The following SP110 variants were observed in gnomAD, a reference collection of about 807,000 sequenced individuals.
SP110 encodes the protein interferon-induced protein 41, 30kD.
SP110 carries 62 observed loss-of-function variants against 92.7 expected under a neutral mutation model. The ratio of observed to expected loss-of-function variants is 0.67; its 90% confidence interval spans 0.55 to 0.83. SP110 has a LOEUF of 0.83. Ranked by LOEUF, SP110 falls within the 40% of genes least tolerant of loss-of-function variation. SP110 has a pLI of 0.00. For synonymous variants in SP110, 273 were observed against 305.3 expected (o/e 0.89, Z 1.10); for missense variants, 793 against 863.9 (o/e 0.92, Z 1.03).
Position 230,211,672 on chromosome 2 carries a change from C to T in SP110, c.668-119G>A, listed in dbSNP as rs1313519318. ...ATGACGGGGTAACAGCAACCAAGGC[C>T]TGGGAAAGGATGGCATAGAGTGGGA... On this transcript the variant is annotated intron_variant, in intron 5 of 18. Coordinates refer to ENST00000258381, the MANE Select transcript of SP110 (RefSeq NM_080424.4). The surrounding 1 kb of genome is among the most constrained non-coding windows in gnomAD (Gnocchi z 4.2). The T allele has an allele frequency of 1.4e-6, 1 of 726,856 alleles. No individual in the cohort carries two copies. The highest frequency in any genetic ancestry group is 2.0e-5 in the Admixed American group (1 of 50,378). 45.0% of individuals were successfully genotyped at this position (726,856 alleles called of 1,614,324 possible).
At chr2:230,196,660 T>C (rs2042889075) in intron 10 of SP110, among the ~76,000 whole-genome samples, 1 of 152,074 alleles carries the variant, frequency 6.6e-6, no homozygotes, top group Non-Finnish European at 1.5e-5. Flanking sequence ...TCATTTAGCA[T>C]TAGGTATATC....
rs1347975892 is a variant in SP110, at chr2:230,203,042, CCA to C, written c.899-316_899-315del. On this transcript the variant is annotated intron_variant, in intron 8 of 18. Transcript: ENST00000258381. ...TGTGTCGGCCTGCACCACGAGGTGG[CCA>C]CACAGTCTCGTCTAGGTGGAGAGGA... 1.2e-5 allele frequency: 5 copies of C among 402,746 alleles called. 1 individual carries two copies. Among genetic ancestry groups the C allele is most frequent in the Middle Eastern group, 7.6e-4 (1 of 1,308 alleles). The allele number at this position is 402,746 out of a possible 1,614,324, so 24.9% of individuals were successfully genotyped here.
Position 230,202,110 on chromosome 2 carries a change from T to C in SP110, c.1048+469A>G, listed in dbSNP as rs574513502. 2.7e-3 allele frequency among the ~76,000 whole-genome samples: 417 copies of C among 152,352 alleles called. 1 individual carries two copies. The highest frequency in any genetic ancestry group is 9.2e-3 in the African/African-American group (384 of 41,582). On this transcript the variant is annotated intron_variant, in intron 9 of 18. Coordinates refer to ENST00000258381, the MANE Select transcript of SP110 (RefSeq NM_080424.4). ...CAAACATAAAATGATGTCACTCTTT[T>C]CACTAATTTTTTTTGTTTTAGAAAA...
rs1277504177 is a variant in SP110 at position 230,178,144 on chromosome 2, C to T, written c.1447+13G>A. ...TCTAGGGATTCCAAAGAGCAGAAGA[C>T]CAAGGAACTCACCGTGTTTCATTTT... On this transcript the variant is annotated intron_variant, in intron 13 of 18. Coordinates refer to ENST00000258381, the MANE Select transcript of SP110 (RefSeq NM_080424.4). The T allele has an allele frequency of 6.5e-7, 1 of 1,534,448 alleles. No individual in the cohort carries two copies.
chr2:230,178,916 G>C (rs774141276), intron 12 of SP110, among the ~76,000 whole-genome samples: 1 of 152,192 alleles, frequency 6.6e-6, no homozygotes, highest in Non-Finnish European at 1.5e-5. Context: ...AGCAATTCCT[G>C]CTGCCTTCCC....
At chr2:230,216,960 C>T (rs201220034) in intron 1 of SP110, 32 bp from the exon 2 acceptor site, 8 of 1,604,368 alleles carry the variant, frequency 5.0e-6, no homozygotes, top group Non-Finnish European at 6.8e-6. Context: ...AAAATAGAAG[C>T]AAAGGCTGGG....
chr2:230,224,485 G>A (rs2046091815), upstream of SP110, among the ~76,000 whole-genome samples: 1 of 150,398 alleles, frequency 6.6e-6, no homozygotes, highest in South Asian at 2.1e-4. Flanking sequence ...GAGAGAGAGG[G>A]AGAGAGAGGG....
upstream of SP110, among the ~76,000 whole-genome samples, chr2:230,224,627 C>T (rs979445467): frequency 2.6e-5 from 4 of 152,162 alleles, no homozygotes; most frequent in African/African-American, 9.7e-5. Flanking sequence ...AGAAAGAAAG[C>T]AGAAGTGTGG....
At chr2:230,203,023 G>A (rs1285299859) in intron 8 of SP110, 2 of 427,252 alleles carry the variant, frequency 4.7e-6, no homozygotes, top group East Asian at 5.0e-5. Flanking sequence ...CGTTTGTGTC[G>A]GCCTGCACCA....
intron 3 of SP110, among the ~76,000 whole-genome samples, chr2:230,213,301 T>C (rs1415124873): frequency 3.9e-5 from 6 of 152,232 alleles, no homozygotes; most frequent in Non-Finnish European, 8.8e-5. Context: ...TTTGGGTTTG[T>C]ACCCAGGGGT....
chr2:230,169,328 A>G, intron 18 of SP110, 91 bp from the exon 19 acceptor site: 1 of 818,540 alleles, frequency 1.2e-6, no homozygotes. Flanking sequence ...TTTGTTTTTG[A>G]GTCAGGGTCT....
Position 230,169,631 on chromosome 2 carries a change from A to AT in SP110, c.2029-395dup, listed in dbSNP as rs533865525. Among the ~76,000 whole-genome samples the AT allele has an allele frequency of 5.8e-3, 884 of 152,074 alleles. 5 individuals are homozygous for AT. The highest frequency in any genetic ancestry group is 9.6e-3 in the Non-Finnish European group (653 of 67,958). On this transcript the variant is annotated intron_variant, in intron 18 of 18. Transcript: ENST00000258381. The stretch of plus-strand genomic sequence containing the variant: ...AGTCACCATGCCCAGCCTCACTCTT[A>AT]TTTTTTTAGGAGCCCAGCAGTAAGG...
intron 1 of SP110, among the ~76,000 whole-genome samples, chr2:230,219,151 G>C (rs1203070345): frequency 6.6e-6 from 1 of 152,236 alleles, no homozygotes; most frequent in Non-Finnish European, 1.5e-5. Flanking sequence ...CTTGAACCTG[G>C]GAGGTGGAGG....
chr2:230,185,087 A>T (rs905501295), intron 11 of SP110, among the ~76,000 whole-genome samples: 2 of 152,196 alleles, frequency 1.3e-5, no homozygotes, highest in South Asian at 4.1e-4. Flanking sequence ...CTTCTCTCTC[A>T]TGCTGTTTGT....
intron 10 of SP110, among the ~76,000 whole-genome samples, chr2:230,189,389 A>C (rs2042506081): frequency 1.3e-5 from 2 of 152,074 alleles, no homozygotes; most frequent in African/African-American, 4.8e-5. Context: ...TGTCACTGTT[A>C]CCATTCATTT....
intron 10 of SP110, among the ~76,000 whole-genome samples, chr2:230,191,101 A>G (rs1298999050): frequency 3.3e-4 from 50 of 152,102 alleles, no homozygotes; most frequent in Non-Finnish European, 1.3e-4. Flanking sequence ...TGAAGAATGT[A>G]GAGACAATAT....
intron 2 of SP110, among the ~76,000 whole-genome samples, chr2:230,216,250 C>A (rs2045162980): frequency 6.6e-6 from 1 of 152,122 alleles, no homozygotes; most frequent in Non-Finnish European, 1.5e-5. Flanking sequence ...AGTGTCTTTG[C>A]AGTTGTAATT....
chr2:230,211,540 G>C lies in SP110; in HGVS notation c.681C>G (p.Asn227Lys), dbSNP rs2044477761. ...CTTTATCTCTTATTTGGGGGATCAG[G>C]TTGTCACTGGCCACTGAATGGAGGA... ...LTSTVQVASDNLIPQIRDKED... is the reference protein window; with the variant it reads ...LTSTVQVASDKLIPQIRDKED... Residue 227 changes from asparagine to lysine, a missense_variant, in exon 6 of 19, where the codon AAC (asparagine) becomes AAG (lysine). Asn to Lys is a moderately conservative substitution (Grantham distance 94, BLOSUM62 0). Coordinates refer to ENST00000258381, the MANE Select transcript of SP110 (RefSeq NM_080424.4). The surrounding 1 kb of genome is among the most constrained non-coding windows in gnomAD (Gnocchi z 4.2). The C allele has an allele frequency of 1.9e-6, 3 of 1,606,474 alleles. No individual in the cohort carries two copies. The South Asian group carries it at 3.3e-5, about 18-fold the overall frequency.
In SP110 at chr2:230,180,116, C is replaced by T. The variant is rs148987804; in HGVS notation, c.1349-1861G>A. ...TTGTTTGAAAGGTGAGCTGCAGCAGCGGTGAGTTTAGGTCCCCATTAGGAA... is the reference window on the plus strand; with the variant it reads ...TTGTTTGAAAGGTGAGCTGCAGCAGTGGTGAGTTTAGGTCCCCATTAGGAA... On this transcript the variant is annotated intron_variant, in intron 12 of 18. Transcript: ENST00000258381. 1.7e-3 allele frequency among the ~76,000 whole-genome samples: 252 copies of T among 152,212 alleles called. 3 individuals carry two copies. In the South Asian group the frequency reaches 0.024, roughly 15 times the overall value.
Sources: allele counts gnomAD v4.1 joint callset (sites outside exome capture counted in the v4.1 genomes callset), GRCh38; gene constraint gnomAD v4.1.1; non-coding constraint Gnocchi (gnomAD v3.1); transcripts MANE v1.5; gene names NCBI Gene and HGNC (gene_info 2026-07-23, HGNC 2026-07-21).